The following MEGF11 variants were observed in gnomAD, a reference collection of about 807,000 sequenced individuals.
MEGF11 encodes the protein multiple EGF like domains 11.
MEGF11 carries 126 observed loss-of-function variants against 146.6 expected under a neutral mutation model. The observed-to-expected ratio is 0.86, with a 90% CI of 0.74 to 1.00. The LOEUF is 1.00. MEGF11 is among the 50% of genes least tolerant of loss of function. The pLI, the probability that MEGF11 is intolerant of heterozygous loss-of-function variation, is 0.00. For missense variants in MEGF11, 1,509 were observed against 1,521.2 expected, an observed-to-expected ratio of 0.99 and a Z score of 0.13; for synonymous variants, 532 against 583.4, an observed-to-expected ratio of 0.91 and a Z score of 1.27.
intron 1 of MEGF11, among the ~76,000 whole-genome samples, chr15:66,233,951 CTT>C (rs57240560): frequency 0.26 from 30,536 of 119,290 alleles, 3,275 homozygotes; most frequent in Middle Eastern, 0.35. Context: ...TTTTCTTTTT[CTT>C]TTTTTTTTTT....
intron 5 of MEGF11, among the ~76,000 whole-genome samples, chr15:66,026,207 T>C (rs1234422731): frequency 1.3e-5 from 2 of 152,226 alleles, no homozygotes; most frequent in African/African-American, 2.4e-5. Context: ...TTAATGTGCA[T>C]GAGAATCACC....
chr15:65,984,505 G>A (rs556827131), intron 5 of MEGF11, among the ~76,000 whole-genome samples: 145 of 110,982 alleles, frequency 1.3e-3, no homozygotes, highest in African/African-American at 5.1e-3. Flanking sequence ...TAGCCTGGGC[G>A]ATAGAGCAAG....
chr15:66,179,208 C>T (rs943768165), intron 1 of MEGF11, among the ~76,000 whole-genome samples: 2 of 152,208 alleles, frequency 1.3e-5, no homozygotes, highest in African/African-American at 4.8e-5. Flanking sequence ...TCTCAGCTCA[C>T]CGCAACCTCT....
chr15:66,244,131 T>C (rs1337644964), intron 1 of MEGF11, among the ~76,000 whole-genome samples: 1 of 152,128 alleles, frequency 6.6e-6, no homozygotes, highest in Non-Finnish European at 1.5e-5. Context: ...GCCTGAGAAG[T>C]GCCTGCTCAA....
At chr15:66,033,384 A>G (rs1007328799) in intron 5 of MEGF11, among the ~76,000 whole-genome samples, 8 of 152,232 alleles carry the variant, frequency 5.3e-5, no homozygotes, top group African/African-American at 1.9e-4. Flanking sequence ...CCCAGAGCCA[A>G]CTAGGGTCTC....
intron 1 of MEGF11, among the ~76,000 whole-genome samples, chr15:66,134,440 C>A (rs963725043): frequency 3.5e-5 from 5 of 142,450 alleles, no homozygotes; most frequent in Admixed American, 2.1e-4. Context: ...CTGGCCTGAC[C>A]AACCCGGACA....
intron 1 of MEGF11, among the ~76,000 whole-genome samples, chr15:66,133,871 T>C (rs2088769483): frequency 6.6e-6 from 1 of 152,112 alleles, no homozygotes. Flanking sequence ...ACAGCAAAAA[T>C]TCTCAGCGCC....
chr15:66,133,747 G>T (rs74021634), intron 1 of MEGF11, among the ~76,000 whole-genome samples: 1 of 151,810 alleles, frequency 6.6e-6, no homozygotes, highest in Non-Finnish European at 1.5e-5. Context: ...CCAGGGGTTG[G>T]GTTTATGTTG....
intron 1 of MEGF11, among the ~76,000 whole-genome samples, chr15:66,238,604 G>A (rs1195126591): frequency 6.6e-6 from 1 of 152,172 alleles, no homozygotes; most frequent in Admixed American, 6.5e-5. Flanking sequence ...CCACTGCGTG[G>A]ATTAACTCAT....
chr15:66,232,123 C>T (rs980340031), intron 1 of MEGF11, among the ~76,000 whole-genome samples: 3 of 152,206 alleles, frequency 2.0e-5, no homozygotes, highest in Admixed American at 6.5e-5. Context: ...AAGCTGCCCT[C>T]GGCAGGCAGC....
rs147596113 is a variant in MEGF11 at position 65,982,324 on chromosome 15, G to A, written c.559C>T (p.Leu187=). Residue 187 remains leucine (L), a synonymous_variant, in exon 6 of 26, where the codon CTG becomes TTG. Coordinates refer to ENST00000395614, the MANE Select transcript of MEGF11 (RefSeq NM_001385028.1). This position sits in a 1 kb window ranked among gnomAD's most constrained non-coding sequence, Gnocchi z 5.6. ...APGTHGKGCQ[L]PCQCRHGASC... ...GCACCGTGTCGGCACTGGCACGGCA[G>A]CTGGCATCCCTTGCCGTGGGTGCCA... The A allele has an allele frequency of 1.4e-5, 22 of 1,531,536 alleles. No homozygotes were observed. The East Asian group carries it at 5.4e-4, about 38-fold the overall frequency. 94.9% of individuals were successfully genotyped at this position (1,531,536 alleles called of 1,614,324 possible). A position where few individuals can be genotyped will look rare whatever the true frequency, so the allele number is the denominator to read the frequency against.
At chr15:66,249,926 A>C (rs2092347472) in intron 1 of MEGF11, among the ~76,000 whole-genome samples, 1 of 152,232 alleles carries the variant, frequency 6.6e-6, no homozygotes, top group African/African-American at 2.4e-5. Flanking sequence ...CAGCATTTTA[A>C]ATTGAATCCT....
intron 1 of MEGF11, among the ~76,000 whole-genome samples, chr15:66,206,920 T>G (rs745648246): frequency 6.6e-5 from 10 of 151,548 alleles, no homozygotes; most frequent in Non-Finnish European, 1.2e-4. Context: ...TTCAAAAAAT[T>G]TAAAACTCAC....
chr15:66,000,980 G>A (rs1002045941), intron 5 of MEGF11, among the ~76,000 whole-genome samples: 12 of 152,176 alleles, frequency 7.9e-5, no homozygotes, highest in Admixed American at 1.3e-4. Context: ...TGGGCAAAAG[G>A]CTGGAGGCAG....
intron 5 of MEGF11, among the ~76,000 whole-genome samples, chr15:66,041,537 A>G (rs1471887401): frequency 6.6e-6 from 1 of 152,244 alleles, no homozygotes; most frequent in Non-Finnish European, 1.5e-5. Context: ...AAAGGTTGGC[A>G]AACTGTGGCC....
At chr15:66,017,579 C>T (rs572753674) in intron 5 of MEGF11, among the ~76,000 whole-genome samples, 2 of 152,300 alleles carry the variant, frequency 1.3e-5, no homozygotes, top group African/African-American at 4.8e-5. Context: ...GTCCTTCCTC[C>T]CCTCCCAGGA....
chr15:66,149,090 C>G (rs1050007117), intron 1 of MEGF11, among the ~76,000 whole-genome samples: 1 of 152,232 alleles, frequency 6.6e-6, no homozygotes, highest in East Asian at 1.9e-4. Context: ...TCCTGCTCGC[C>G]CTTTGCCCCT....
At chr15:66,009,326 C>T (rs1363956891) in intron 5 of MEGF11, among the ~76,000 whole-genome samples, 1 of 144,376 alleles carries the variant, frequency 6.9e-6, no homozygotes, top group Non-Finnish European at 1.5e-5. Context: ...AACAGTACTT[C>T]TTGGGAGTCA....
chr15:65,974,769 A>G (rs2552183), intron 7 of MEGF11, among the ~76,000 whole-genome samples: 124,529 of 152,012 alleles, frequency 0.82, 52,021 homozygotes, highest in Non-Finnish European at 0.91. Context: ...AGGTATTCAA[A>G]AGGGAGGAGA....
Sources: allele counts gnomAD v4.1 joint callset (sites outside exome capture counted in the v4.1 genomes callset), GRCh38; gene constraint gnomAD v4.1.1; non-coding constraint Gnocchi (gnomAD v3.1); transcripts MANE v1.5; gene names NCBI Gene and HGNC (gene_info 2026-07-23, HGNC 2026-07-21).